The following CCNY variants were observed in gnomAD, a reference collection of about 807,000 sequenced individuals.
The protein encoded by CCNY is cyclin-Y.
In CCNY, 19 loss-of-function variants were observed where a neutral mutation model predicts 42.8. The observed-to-expected ratio is 0.44, with a 90% CI of 0.31 to 0.65. CCNY has a LOEUF of 0.65. Among genes scored for constraint, CCNY ranks in the 30% least tolerant of loss-of-function variants. The probability of loss-of-function intolerance (pLI) is 0.07; values close to 1 mark genes in which losing one functional copy is unlikely to be tolerated. For missense variants in CCNY, 370 were observed against 437.3 expected (o/e 0.85, Z 1.37); for synonymous variants, 165 against 162.7 (o/e 1.01, Z -0.11).
intron 3 of CCNY, among the ~76,000 whole-genome samples, chr10:35,505,038 T>A (rs1829855170): frequency 7.7e-6 from 1 of 129,648 alleles, no homozygotes. Flanking sequence ...TTGACTTTGC[T>A]TTTTTTTTTT....
chr10:35,444,927 A>G (rs1228090367), intron 1 of CCNY, among the ~76,000 whole-genome samples: 1 of 152,148 alleles, frequency 6.6e-6, no homozygotes, highest in East Asian at 1.9e-4. Context: ...AAATGAGAGG[A>G]GCTTCCAAAT....
At chr10:35,453,477 A>G (rs1176166859) in intron 1 of CCNY, among the ~76,000 whole-genome samples, 2 of 152,210 alleles carry the variant, frequency 1.3e-5, no homozygotes, top group African/African-American at 4.8e-5. Context: ...GCCTCCTCTG[A>G]ACATCAGATC....
chr10:35,308,288 C>G (rs1459596464), intron 3 of CCNY, among the ~76,000 whole-genome samples: 1 of 151,730 alleles, frequency 6.6e-6, no homozygotes. Context: ...GTGGCTCATG[C>G]ATGCCTGTGA....
At chr10:35,353,516 G>A (rs1304749051) in intron 1 of CCNY, among the ~76,000 whole-genome samples, 1 of 152,214 alleles carries the variant, frequency 6.6e-6, no homozygotes, top group African/African-American at 2.4e-5. Context: ...ATCACAGGCT[G>A]TTCAGAGCAT....
intron 1 of CCNY, among the ~76,000 whole-genome samples, chr10:35,473,097 T>C (rs566282881): frequency 6.6e-6 from 1 of 152,388 alleles, no homozygotes; most frequent in Admixed American, 6.5e-5. Flanking sequence ...TCTCCCAGGA[T>C]TGGGTCACAT....
chr10:35,257,904 T>C (rs1469665500), intron 3 of CCNY, among the ~76,000 whole-genome samples: 1 of 152,222 alleles, frequency 6.6e-6, no homozygotes, highest in African/African-American at 2.4e-5. Context: ...CACAAGTCCC[T>C]TAGATTCTGT....
At chr10:35,492,992 A>T (rs764258126) in intron 2 of CCNY, among the ~76,000 whole-genome samples, 3 of 151,586 alleles carry the variant, frequency 2.0e-5, no homozygotes, top group Non-Finnish European at 2.9e-5. Flanking sequence ...CTTGAGGTGC[A>T]TGGGGGGGGG....
intron 1 of CCNY, among the ~76,000 whole-genome samples, chr10:35,385,045 C>A (rs1424328950): frequency 6.6e-6 from 1 of 152,110 alleles, no homozygotes; most frequent in African/African-American, 2.4e-5. Flanking sequence ...GCCTTCGTTC[C>A]TACCATATGG....
chr10:35,489,770 A>G (rs1839861494), intron 2 of CCNY, among the ~76,000 whole-genome samples: 1 of 152,098 alleles, frequency 6.6e-6, no homozygotes, highest in Admixed American at 6.5e-5. Context: ...TATTGACAGT[A>G]GAGAATTGGA....
rs555628544 is a variant in CCNY at position 35,343,853 on chromosome 10, G to A, written c.154+6646G>A. On this transcript the variant is annotated intron_variant, in intron 1 of 9. Coordinates refer to ENST00000374704, the MANE Select transcript of CCNY (RefSeq NM_145012.6). ...TAGGGTCAGAGATTTAGCTCCAAGT[G>A]TGTCACATTGGATTGACTTTGAGGA... is the stretch of plus-strand genomic sequence containing the variant. 5.1e-4 allele frequency among the ~76,000 whole-genome samples: 77 copies of A among 152,308 alleles called. 1 individual carries two copies. The highest frequency in any genetic ancestry group is 1.9e-3 in the African/African-American group (77 of 41,564).
intron 3 of CCNY, among the ~76,000 whole-genome samples, chr10:35,325,105 G>T (rs774947649): frequency 3.3e-5 from 5 of 152,106 alleles, no homozygotes; most frequent in Non-Finnish European, 5.9e-5. Flanking sequence ...GACATTTTTG[G>T]CAATCCCAGT....
intron 1 of CCNY, among the ~76,000 whole-genome samples, chr10:35,391,932 A>G (rs1837422708): frequency 6.6e-6 from 1 of 152,020 alleles, no homozygotes; most frequent in African/African-American, 2.4e-5. Context: ...TTCTCCCATG[A>G]CTGTCTCATT....
At chr10:35,465,932 AGAGAGAGTGTGT>A (rs1839252174) in intron 1 of CCNY, among the ~76,000 whole-genome samples, 1 of 137,942 alleles carries the variant, frequency 7.2e-6, no homozygotes, top group Non-Finnish European at 1.5e-5. Flanking sequence ...AGAGAGAGAG[AGAGAGAGTGTGT>A]GTGTGTGTGT....
chr10:35,414,524 T>G (rs1259009180), intron 1 of CCNY, among the ~76,000 whole-genome samples: 1 of 152,170 alleles, frequency 6.6e-6, no homozygotes, highest in East Asian at 1.9e-4. Context: ...TGTGCCCTAT[T>G]CTGTTGCTTA....
At chr10:35,466,738 T>C (rs1384208008) in intron 1 of CCNY, among the ~76,000 whole-genome samples, 5 of 152,228 alleles carry the variant, frequency 3.3e-5, no homozygotes, top group African/African-American at 1.2e-4. Context: ...GCAAGGTTCC[T>C]GGCAAAGCCG....
chr10:35,469,011 T>C (rs920666278), intron 1 of CCNY, among the ~76,000 whole-genome samples: 2 of 152,250 alleles, frequency 1.3e-5, no homozygotes, highest in Non-Finnish European at 2.9e-5. Context: ...TGTTATATCC[T>C]GTCCTGCAGG....
chr10:35,347,663 G>T (rs1029914228), intron 1 of CCNY, among the ~76,000 whole-genome samples: 2 of 152,052 alleles, frequency 1.3e-5, no homozygotes, highest in South Asian at 2.1e-4. Flanking sequence ...AGGAATTAGT[G>T]TATGGGTGGG....
At chr10:35,485,360 C>G (rs1839761564) in intron 2 of CCNY, among the ~76,000 whole-genome samples, 1 of 152,202 alleles carries the variant, frequency 6.6e-6, no homozygotes, top group Non-Finnish European at 1.5e-5. Context: ...TTCAGATGGG[C>G]AGTTTGCTGA....
chr10:35,383,203 C>G (rs114339874), intron 1 of CCNY, among the ~76,000 whole-genome samples: 1,681 of 152,202 alleles, frequency 0.011, 41 homozygotes, highest in African/African-American at 0.039. Context: ...CTAGGGGTGA[C>G]TGTAAATGGA....
Sources: allele counts gnomAD v4.1 joint callset (sites outside exome capture counted in the v4.1 genomes callset), GRCh38; gene constraint gnomAD v4.1.1; transcripts MANE v1.5; gene names NCBI Gene and HGNC (gene_info 2026-07-23, HGNC 2026-07-21).